Variants in PPFIA2 observed in about 807,000 individuals in gnomAD.
The protein encoded by PPFIA2 is liprin-alpha-2.
A neutral mutation model predicts 175.5 loss-of-function variants in PPFIA2; 46 were observed. The observed-to-expected ratio is 0.26, with a 90% CI of 0.21 to 0.34. The LOEUF (loss-of-function observed/expected upper bound fraction) is 0.34, where lower values mean the gene tolerates loss of function less well. PPFIA2 is among the 10% of genes least tolerant of loss of function. The pLI, the probability that PPFIA2 is intolerant of heterozygous loss-of-function variation, is 1.00. For synonymous variants in PPFIA2, 568 were observed against 511.4 expected (o/e 1.11, Z -1.49); for missense variants, 1,179 against 1,506.1 (o/e 0.78, Z 3.60).
chr12:81,352,673 T>C (rs546810484), intron 17 of PPFIA2, among the ~76,000 whole-genome samples: 25 of 152,136 alleles, frequency 1.6e-4, no homozygotes, highest in Non-Finnish European at 3.2e-4. Flanking sequence ...AATGTTGAAA[T>C]ATTTTAAGGA....
intron 4 of PPFIA2, among the ~76,000 whole-genome samples, chr12:81,536,737 T>A (rs986546659): frequency 5.2e-4 from 53 of 102,898 alleles, no homozygotes; most frequent in Non-Finnish European, 7.8e-4. Context: ...CAAATATATA[T>A]ACATAAACAT....
intron 28 of PPFIA2, among the ~76,000 whole-genome samples, chr12:81,273,024 C>T (rs186427824): frequency 3.5e-4 from 54 of 152,162 alleles, no homozygotes; most frequent in Non-Finnish European, 6.0e-4. Context: ...CCTAGTCCTA[C>T]GGTGTGTTTT....
intron 5 of PPFIA2, among the ~76,000 whole-genome samples, chr12:81,457,523 G>A (rs2053801144): frequency 6.6e-6 from 1 of 152,076 alleles, no homozygotes; most frequent in Non-Finnish European, 1.5e-5. Context: ...AAGGCCAGAA[G>A]GAATGTGAAC....
intron 21 of PPFIA2, among the ~76,000 whole-genome samples, chr12:81,338,713 A>G (rs2057521907): frequency 6.6e-6 from 1 of 152,150 alleles, no homozygotes. Context: ...CTTTCAACAA[A>G]AAAACCTTTA....
At chr12:81,673,712 A>G (rs1038386446) in intron 4 of PPFIA2, among the ~76,000 whole-genome samples, 22 of 152,038 alleles carry the variant, frequency 1.4e-4, no homozygotes, top group Admixed American at 1.1e-3. Flanking sequence ...TTCTCCAATG[A>G]TAAAAGCATT....
At chr12:81,592,099 C>T (rs557359288) in intron 4 of PPFIA2, among the ~76,000 whole-genome samples, 2 of 152,238 alleles carry the variant, frequency 1.3e-5, no homozygotes, top group East Asian at 3.9e-4. Context: ...CAAAGGAGAT[C>T]ATTTTGGAGC....
chr12:81,615,919 C>A (rs10746194), intron 4 of PPFIA2, among the ~76,000 whole-genome samples: 88,314 of 151,918 alleles, frequency 0.58, 27,450 homozygotes, highest in East Asian at 0.83. Context: ...TCACTAGAGC[C>A]ATGTCCTTGA....
intron 4 of PPFIA2, among the ~76,000 whole-genome samples, chr12:81,582,405 T>C (rs941510891): frequency 6.6e-6 from 1 of 151,866 alleles, no homozygotes; most frequent in Non-Finnish European, 1.5e-5. Flanking sequence ...CTATATTTTT[T>C]GAAAATGTAA....
chr12:81,365,144 G>C (rs571929107), intron 14 of PPFIA2, among the ~76,000 whole-genome samples: 1 of 151,926 alleles, frequency 6.6e-6, no homozygotes, highest in East Asian at 1.9e-4. Context: ...GTGAATCAGA[G>C]AGAAGAAAGG....
Position 81,642,704 on chromosome 12 carries a change from A to ATATTATATACATACATACACG in PPFIA2, c.303+34086_303+34087insCGTGTATGTATGTATATAATA. Among the ~76,000 whole-genome samples the ATATTATATACATACATACACG allele has an allele frequency of 1.5e-3, 14 of 9,462 alleles. 4 individuals carry two copies. Among genetic ancestry groups the ATATTATATACATACATACACG allele is most frequent in the African/African-American group, 3.4e-3 (12 of 3,568 alleles). The allele number at this position is 9,462 out of a possible 152,430, so 6.2% of individuals were successfully genotyped here. A position where few individuals can be genotyped will look rare whatever the true frequency, so the allele number is the denominator to read the frequency against. On this transcript the variant is annotated intron_variant, in intron 4 of 32. Transcript: ENST00000549396. Reference sequence around the variant, plus strand: ...GTATCTATTATATACATACATGTATATGTATGTATGTATTATATACATACA... The same window carrying ATATTATATACATACATACACG: ...GTATCTATTATATACATACATGTATATATTATATACATACATACACGTGTATGTATGTATTATATACATACA...
intron 11 of PPFIA2, among the ~76,000 whole-genome samples, chr12:81,374,031 C>A (rs935138468): frequency 1.3e-5 from 2 of 151,922 alleles, no homozygotes; most frequent in African/African-American, 4.8e-5. Flanking sequence ...CATTATAATG[C>A]TTGTAAAATT....
intron 3 of PPFIA2, among the ~76,000 whole-genome samples, chr12:81,685,770 T>C (rs1397746312): frequency 6.6e-6 from 1 of 152,060 alleles, no homozygotes; most frequent in Non-Finnish European, 1.5e-5. Context: ...GTTTGGGTAT[T>C]TCATATTGCC....
At chr12:81,436,648 G>C (rs1433078037) in intron 7 of PPFIA2, among the ~76,000 whole-genome samples, 2 of 152,012 alleles carry the variant, frequency 1.3e-5, no homozygotes, top group African/African-American at 4.8e-5. Context: ...TCTTACTATA[G>C]AGAATCAACA....
At chr12:81,482,979 T>C (rs1251898290) in intron 4 of PPFIA2, among the ~76,000 whole-genome samples, 4 of 152,118 alleles carry the variant, frequency 2.6e-5, no homozygotes, top group Non-Finnish European at 4.4e-5. Context: ...CAGGATATAC[T>C]ATGATACATA....
intron 4 of PPFIA2, among the ~76,000 whole-genome samples, chr12:81,562,707 C>A (rs531427370): frequency 1.3e-5 from 2 of 150,254 alleles, no homozygotes; most frequent in East Asian, 3.9e-4. Context: ...ATTAGCCGGG[C>A]GTAGTGGCGG....
chr12:81,344,745 A>T, intron 18 of PPFIA2, 52 bp from the exon 19 acceptor site: 1 of 1,352,592 alleles, frequency 7.4e-7, no homozygotes, highest in Non-Finnish European at 1.0e-6. Flanking sequence ...AGAATTAACA[A>T]TCATTTGACC....
At chr12:81,575,896 CTCTTT>C (rs1279890961) in intron 4 of PPFIA2, among the ~76,000 whole-genome samples, 1 of 151,778 alleles carries the variant, frequency 6.6e-6, no homozygotes, top group Non-Finnish European at 1.5e-5. Flanking sequence ...CATACTCCTT[CTCTTT>C]TGTTTCTGCC....
intron 4 of PPFIA2, among the ~76,000 whole-genome samples, chr12:81,578,578 T>C (rs1351354736): frequency 1.3e-5 from 2 of 151,862 alleles, no homozygotes; most frequent in Non-Finnish European, 1.5e-5. Flanking sequence ...ATGATCAACA[T>C]TTTTATTATA....
At chr12:81,600,449 G>C (rs934569946) in intron 4 of PPFIA2, among the ~76,000 whole-genome samples, 5 of 151,590 alleles carry the variant, frequency 3.3e-5, no homozygotes, top group African/African-American at 1.2e-4. Context: ...TGCATAAATC[G>C]CTTATGATTT....
Sources: gnomAD v4.1 joint callset for allele counts (sites outside exome capture counted in the v4.1 genomes callset) on GRCh38, gnomAD v4.1.1 for gene constraint, MANE v1.5 for transcripts, NCBI Gene and HGNC (gene_info 2026-07-23, HGNC 2026-07-21) for gene names.